The following LATS1 variants were observed in gnomAD, a reference collection of about 807,000 sequenced individuals.
LATS1 encodes the protein serine/threonine-protein kinase LATS1.
In LATS1, 25 loss-of-function variants were observed where a neutral mutation model predicts 106.6. The observed-to-expected ratio is 0.23, with a 90% CI of 0.17 to 0.33. LATS1 has a LOEUF of 0.33. LATS1 is among the 10% of genes least tolerant of loss of function. LATS1 has a pLI of 1.00. For synonymous variants in LATS1, 465 were observed against 455.6 expected (o/e 1.02, Z -0.26); for missense variants, 1,040 against 1,382.6 (o/e 0.75, Z 3.93).
intron 5 of LATS1, among the ~76,000 whole-genome samples, chr6:149,677,162 A>T (rs1028073383): frequency 6.6e-6 from 1 of 152,230 alleles, no homozygotes; most frequent in African/African-American, 2.4e-5. Context: ...AATTACACAT[A>T]TAAGGAACAG....
At chr6:149,681,217 TTATAGA>T (rs951726468) in intron 4 of LATS1, among the ~76,000 whole-genome samples, 1 of 152,142 alleles carries the variant, frequency 6.6e-6, no homozygotes, top group African/African-American at 2.4e-5. Flanking sequence ...CTTCTAAGTA[TTATAGA>T]TATGGAATGC....
Position 149,676,328 on chromosome 6 carries a change from TAACACC to T in LATS1, c.2809_2814del (p.Gly937_Val938del), listed in dbSNP as rs747517347. 6.2e-7 allele frequency: 1 copy of T among 1,613,540 alleles called. No homozygotes were observed. The highest frequency in any genetic ancestry group is 8.5e-7 in the Non-Finnish European group (1 of 1,179,496). ...TGTCCCACCAACATTTCAAAAAGAATAACACCAACACTCCACCAATCACACAACTGT... is the reference window on the plus strand; with the variant it reads ...TGTCCCACCAACATTTCAAAAAGAATAACACTCCACCAATCACACAACTGT... On this transcript the variant is annotated inframe_deletion, in exon 7 of 8. Transcript: ENST00000543571.
rs59469526 is a variant in LATS1 at position 149,687,095 on chromosome 6, A to ATT, written c.497-2505_497-2504dup. ...CCTCACCAAGATCTCCAAGATTTTT[A>ATT]TTTTTTTTTTTTTGAGACAGAGACT... On this transcript the variant is annotated intron_variant, in intron 3 of 7. Transcript: ENST00000543571. Among the ~76,000 whole-genome samples the ATT allele has an allele frequency of 1.4e-3, 208 of 147,314 alleles. 1 individual carries two copies. The highest frequency in any genetic ancestry group is 8.9e-3 in the East Asian group (45 of 5,030).
intron 1 of LATS1, among the ~76,000 whole-genome samples, chr6:149,704,152 C>T (rs1051601722): frequency 1.3e-5 from 2 of 151,990 alleles, no homozygotes; most frequent in African/African-American, 2.4e-5. Context: ...TACAGGCATG[C>T]ACCACCGTGC....
chr6:149,714,961 G>A (rs951842739), intron 1 of LATS1, among the ~76,000 whole-genome samples: 2 of 151,934 alleles, frequency 1.3e-5, no homozygotes, highest in Non-Finnish European at 2.9e-5. Context: ...TAGATTTAGT[G>A]GTATTTCAGA....
In LATS1 at chr6:149,717,987, C is replaced by A. The variant is rs544880653; in HGVS notation, c.-279G>T. Reference sequence around the variant, plus strand: ...GACGAACGGGGGGGCTGCCGCGGGCCAGCGCGGCCCGTCCCAGGGGTCGTG... The same window carrying A: ...GACGAACGGGGGGGCTGCCGCGGGCAAGCGCGGCCCGTCCCAGGGGTCGTG... On this transcript the variant is annotated 5_prime_UTR_variant, in exon 1 of 8. Transcript: ENST00000543571. 1.9e-5 allele frequency: 7 copies of A among 364,964 alleles called. No homozygotes were observed. Among genetic ancestry groups the A allele is most frequent in the Non-Finnish European group, 3.2e-5 (6 of 189,986 alleles). 22.6% of individuals were successfully genotyped at this position (364,964 alleles called of 1,614,324 possible).
chr6:149,666,343 T>G (rs1427348183), intron 7 of LATS1, among the ~76,000 whole-genome samples: 1 of 151,244 alleles, frequency 6.6e-6, no homozygotes, highest in Non-Finnish European at 1.5e-5. Flanking sequence ...ATAGGCCGGG[T>G]GCGGTGGCTC....
chr6:149,710,584 C>T (rs182019194), intron 1 of LATS1, among the ~76,000 whole-genome samples: 7 of 152,288 alleles, frequency 4.6e-5, no homozygotes, highest in African/African-American at 1.7e-4. Context: ...CAATAAAAAC[C>T]TATGCAGTCC....
chr6:149,681,981 G>C (rs1308725598), intron 4 of LATS1, among the ~76,000 whole-genome samples: 1 of 152,008 alleles, frequency 6.6e-6, no homozygotes, highest in Non-Finnish European at 1.5e-5. Flanking sequence ...GCGTGCTGAC[G>C]GGCGCTTGTA....
chr6:149,684,035 C>T lies in LATS1; in HGVS notation c.1054G>A (p.Gly352Arg). The change falls in exon 4 of 8, where the codon GGA (glycine) becomes AGA (arginine). Residue 352 changes from glycine to arginine, a missense_variant. This residue lies in a region of LATS1 where 624 missense variants were observed against 714.8 expected (regional missense o/e 0.87). Transcript: ENST00000543571. ...SGRPGMQNGT[G>R]QTDFMIHQNV... is the part of the protein sequence containing the mutation. ...TGGTGTATCATGAAATCAGTTTGTCCAGTACCATTCTGCATTCCAGGTCTC... is the reference window on the plus strand; with the variant it reads ...TGGTGTATCATGAAATCAGTTTGTCTAGTACCATTCTGCATTCCAGGTCTC... 1 of 1,614,118 alleles carries T rather than the reference C, an allele frequency of 6.2e-7. No homozygotes were observed. Among genetic ancestry groups the T allele is most frequent in the Non-Finnish European group, 8.5e-7 (1 of 1,180,030 alleles).
intron 7 of LATS1, among the ~76,000 whole-genome samples, chr6:149,672,853 A>AG (rs1781512996): frequency 1.3e-5 from 2 of 151,900 alleles, no homozygotes; most frequent in Admixed American, 6.5e-5. Flanking sequence ...CTGAGGCAGG[A>AG]GGCTCACTTG....
In LATS1 at chr6:149,659,524, T is replaced by A; in HGVS notation, c.*2205A>T. ...TGTTACATTTCAGCAATAGGGGGAA[T>A]ACAGATTTTGTGGGAAGGGAAGGGG... is the stretch of plus-strand genomic sequence containing the variant. On this transcript the variant is annotated 3_prime_UTR_variant, in exon 8 of 8. Transcript: ENST00000543571. 1 of 229,894 alleles carries A rather than the reference T, an allele frequency of 4.3e-6. No individual in the cohort carries two copies. The highest frequency in any genetic ancestry group is 8.6e-6 in the Non-Finnish European group (1 of 116,040). 14.2% of individuals were successfully genotyped at this position (229,894 alleles called of 1,614,324 possible).
Position 149,676,704 on chromosome 6 carries a change from C to A in LATS1, c.2627G>T (p.Ser876Ile), listed in dbSNP as rs764981187. ...GCTTGAGGGATCCCCCCATTCATTA[C>A]TGAAATCCATGCTATCTTGCCGTGG... ...DHPRQDSMDF[S>I]NEWGDPSSCR... is the part of the protein sequence containing the mutation. The change falls in exon 6 of 8, where the codon AGT becomes ATT. Residue 876 changes from serine (S) to isoleucine (I), a missense_variant. Around this residue, in one of 7 missense-constraint regions of LATS1, gnomAD observed 63 missense variants for 64.3 expected, o/e 0.98. Transcript: ENST00000543571. 1.9e-6 allele frequency: 3 copies of A among 1,613,770 alleles called. No homozygotes were observed. In the Admixed American group the frequency reaches 5.0e-5, roughly 27 times the overall value.
At chr6:149,690,037 G>A (rs1183316331) in intron 3 of LATS1, among the ~76,000 whole-genome samples, 2 of 151,598 alleles carry the variant, frequency 1.3e-5, no homozygotes, top group Non-Finnish European at 2.9e-5. Flanking sequence ...AGTGTTATCT[G>A]GTGCTGGTCC....
chr6:149,689,255 T>C (rs1782582869), intron 3 of LATS1, among the ~76,000 whole-genome samples: 4 of 151,410 alleles, frequency 2.6e-5, no homozygotes, highest in Admixed American at 2.6e-4. Context: ...TGTAGAACAG[T>C]AAATGAAGGG....
rs183107845 is a variant in LATS1, at chr6:149,669,136, T to C, written c.2884-6898A>G. Among the ~76,000 whole-genome samples, 11 of 140,534 alleles carry C rather than the reference T, an allele frequency of 7.8e-5. No homozygotes were observed. In the East Asian group the frequency reaches 2.4e-3, roughly 31 times the overall value. The allele number at this position is 140,534 out of a possible 152,430, so 92.2% of individuals were successfully genotyped here. ...CCATACCTGGCTGGATAAGGATTGA[T>C]TGATTGATTGATTGATTGAGACGGC... On this transcript the variant is annotated intron_variant, in intron 7 of 7. Coordinates refer to ENST00000543571, the MANE Select transcript of LATS1 (RefSeq NM_004690.4).
At chr6:149,689,101 G>GA (rs1302397321) in intron 3 of LATS1, among the ~76,000 whole-genome samples, 3 of 152,052 alleles carry the variant, frequency 2.0e-5, no homozygotes, top group Non-Finnish European at 4.4e-5. Context: ...TCAGGGGGCG[G>GA]AGGTTGCAGT....
intron 5 of LATS1, among the ~76,000 whole-genome samples, chr6:149,678,122 C>T (rs567939825): frequency 5.9e-5 from 8 of 135,722 alleles, no homozygotes; most frequent in African/African-American, 2.3e-4. Flanking sequence ...AGATTGAGAC[C>T]GTCCTGGCTA....
chr6:149,713,788 T>C (rs1784237461), intron 1 of LATS1, among the ~76,000 whole-genome samples: 1 of 151,902 alleles, frequency 6.6e-6, no homozygotes, highest in African/African-American at 2.4e-5. Flanking sequence ...GCCTCCCAAG[T>C]AGCTGGAATT....
Sources: gnomAD v4.1 joint callset for allele counts (sites outside exome capture counted in the v4.1 genomes callset) on GRCh38, gnomAD v4.1.1 for gene constraint, gnomAD v4.1.1 regional missense constraint, MANE v1.5 for transcripts, NCBI Gene and HGNC (gene_info 2026-07-23, HGNC 2026-07-21) for gene names.